The following TMEM132B variants were observed in gnomAD, a reference collection of about 807,000 sequenced individuals.
TMEM132B encodes the protein transmembrane protein 132B.
Under a neutral mutation model 90.8 loss-of-function variants are expected in TMEM132B, and 18 were observed. That is an observed-to-expected ratio of 0.20 (90% CI 0.14 to 0.29). The LOEUF (loss-of-function observed/expected upper bound fraction) is 0.29, where lower values mean the gene tolerates loss of function less well. TMEM132B is among the 10% of genes least tolerant of loss of function. The probability of loss-of-function intolerance (pLI) is 1.00; values close to 1 mark genes in which losing one functional copy is unlikely to be tolerated. For synonymous variants in TMEM132B, 504 were observed against 523.3 expected (o/e 0.96, Z 0.50); for missense variants, 1,096 against 1,326.8 (o/e 0.83, Z 2.70).
chr12:125,329,989 C>T (rs1460465736), intron 1 of TMEM132B, among the ~76,000 whole-genome samples: 1 of 152,244 alleles, frequency 6.6e-6, no homozygotes, highest in Non-Finnish European at 1.5e-5. Context: ...GAGAGGGTTT[C>T]AATGCAGTAG....
intron 4 of TMEM132B, among the ~76,000 whole-genome samples, chr12:125,533,662 G>A (rs1270196765): frequency 7.0e-5 from 9 of 128,288 alleles, no homozygotes; most frequent in Non-Finnish European, 7.3e-5. Flanking sequence ...TGTACAGGCC[G>A]CGCGCCCTCC....
chr12:125,447,671 A>G (rs954641309), intron 3 of TMEM132B, among the ~76,000 whole-genome samples: 8 of 152,104 alleles, frequency 5.3e-5, no homozygotes, highest in African/African-American at 1.7e-4. Flanking sequence ...TAGGTATTCT[A>G]TTTAGTAGTC....
chr12:125,321,106 G>T (rs774759907), intron 1 of TMEM132B, among the ~76,000 whole-genome samples: 7 of 152,206 alleles, frequency 4.6e-5, no homozygotes, highest in Non-Finnish European at 1.0e-4. Flanking sequence ...GAGAAATTAG[G>T]AACTGAGAGT....
chr12:125,409,707 GGAGT>G (rs1448221619), intron 2 of TMEM132B, among the ~76,000 whole-genome samples: 2 of 46,974 alleles, frequency 4.3e-5, no homozygotes, highest in African/African-American at 2.2e-4. Context: ...GGAGTGGAGT[GGAGT>G]GAGTGGAGTG....
chr12:125,524,488 A>C (rs1251274726), intron 4 of TMEM132B, among the ~76,000 whole-genome samples: 3 of 152,220 alleles, frequency 2.0e-5, no homozygotes, highest in Admixed American at 6.5e-5. Flanking sequence ...TACTAGCTTC[A>C]TGATATTGGG....
At chr12:125,253,566 C>T (rs1005436855) in intron 1 of TMEM132B, among the ~76,000 whole-genome samples, 1 of 151,904 alleles carries the variant, frequency 6.6e-6, no homozygotes, top group African/African-American at 2.4e-5. Context: ...TTCCTAGTAG[C>T]TGAGACTACA....
At chr12:125,194,433 G>A (rs1156671787) in intron 1 of TMEM132B, among the ~76,000 whole-genome samples, 2 of 152,108 alleles carry the variant, frequency 1.3e-5, no homozygotes, top group East Asian at 1.9e-4. Flanking sequence ...AAATACTGCC[G>A]TGGCTGCAGC....
chr12:125,305,015 G>A (rs1483616147), intron 1 of TMEM132B, among the ~76,000 whole-genome samples: 2 of 152,036 alleles, frequency 1.3e-5, no homozygotes, highest in Non-Finnish European at 2.9e-5. Flanking sequence ...TTGCTTTGCT[G>A]TTTCAGGATA....
intron 2 of TMEM132B, among the ~76,000 whole-genome samples, chr12:125,391,180 G>A (rs566070371): frequency 2.0e-5 from 3 of 152,098 alleles, no homozygotes; most frequent in Non-Finnish European, 2.9e-5. Context: ...GATGGTGAAG[G>A]AGCAGAAACT....
intron 1 of TMEM132B, among the ~76,000 whole-genome samples, chr12:125,302,376 A>T (rs1184434817): frequency 6.6e-6 from 1 of 151,914 alleles, no homozygotes; most frequent in Non-Finnish European, 1.5e-5. Context: ...AAAAAAAAAA[A>T]AGTGAGCCTG....
At chr12:125,597,224 T>C (rs1453005866) in intron 5 of TMEM132B, among the ~76,000 whole-genome samples, 1 of 152,248 alleles carries the variant, frequency 6.6e-6, no homozygotes, top group African/African-American at 2.4e-5. Flanking sequence ...GGTCTTAAAG[T>C]ATCTTCTAAT....
chr12:125,539,611 G>A (rs1409256414), intron 4 of TMEM132B, among the ~76,000 whole-genome samples: 1 of 152,208 alleles, frequency 6.6e-6, no homozygotes, highest in African/African-American at 2.4e-5. Context: ...TTGATGAATG[G>A]TTGGCTGTCA....
rs907193374 is a variant in TMEM132B at position 125,391,019 on chromosome 12, A to T, written c.960-24512A>T. Among the ~76,000 whole-genome samples, 7 of 149,104 alleles carry T rather than the reference A, an allele frequency of 4.7e-5. No homozygotes were observed. In the East Asian group the frequency reaches 1.4e-3, roughly 30 times the overall value. On this transcript the variant is annotated intron_variant, in intron 2 of 8. Coordinates refer to ENST00000682704, the MANE Select transcript of TMEM132B (RefSeq NM_001366854.1). ...GTTATTTTTTTTTCACAGCAGGATT[A>T]AAACAGATTTACTAAAGAATAGTGT...
At chr12:125,469,226 G>T (rs185452969) in intron 3 of TMEM132B, among the ~76,000 whole-genome samples, 240 of 152,172 alleles carry the variant, frequency 1.6e-3, no homozygotes, top group African/African-American at 5.6e-3. Context: ...TTCACATATG[G>T]GCTATTTTAG....
At chr12:125,624,561 C>T (rs903133139) in intron 5 of TMEM132B, among the ~76,000 whole-genome samples, 2 of 152,130 alleles carry the variant, frequency 1.3e-5, no homozygotes, top group African/African-American at 2.4e-5. Context: ...CCCCAAGGTT[C>T]GTGGACTTAT....
chr12:125,625,619 A>G (rs1886216021), intron 5 of TMEM132B, among the ~76,000 whole-genome samples: 1 of 152,236 alleles, frequency 6.6e-6, no homozygotes, highest in African/African-American at 2.4e-5. Flanking sequence ...CATCTGCTAT[A>G]AACATTCACA....
intron 1 of TMEM132B, among the ~76,000 whole-genome samples, chr12:125,237,921 C>T (rs1873972517): frequency 6.6e-6 from 1 of 152,180 alleles, no homozygotes; most frequent in Non-Finnish European, 1.5e-5. Flanking sequence ...GTCATGGCCT[C>T]CTCCGCTGGT....
intron 1 of TMEM132B, among the ~76,000 whole-genome samples, chr12:125,344,124 A>G (rs1023639352): frequency 3.7e-4 from 57 of 152,232 alleles, no homozygotes; most frequent in Admixed American, 3.3e-3. Context: ...AATGGATAGT[A>G]AACAAGGGAA....
In TMEM132B at chr12:125,655,863, C is replaced by A. The variant is rs60017141; in HGVS notation, c.*1153C>A. On this transcript the variant is annotated 3_prime_UTR_variant, in exon 9 of 9. Coordinates refer to ENST00000682704, the MANE Select transcript of TMEM132B (RefSeq NM_001366854.1). ...TATAGAAATCCATCCATACAATGACCAAAATAAATAAATAAATAAAACTCA... is the reference window on the plus strand; with the variant it reads ...TATAGAAATCCATCCATACAATGACAAAAATAAATAAATAAATAAAACTCA... The A allele has an allele frequency of 6.6e-6, 1 of 151,320 alleles. No individual in the cohort carries two copies. Among genetic ancestry groups the A allele is most frequent in the Admixed American group, 6.6e-5 (1 of 15,196 alleles). The allele number at this position is 151,320 out of a possible 1,614,324, so 9.4% of individuals were successfully genotyped here. A position where few individuals can be genotyped will look rare whatever the true frequency, so the allele number is the denominator to read the frequency against.
Sources: gnomAD v4.1 joint callset for allele counts (sites outside exome capture counted in the v4.1 genomes callset) on GRCh38, gnomAD v4.1.1 for gene constraint, MANE v1.5 for transcripts, NCBI Gene and HGNC (gene_info 2026-07-23, HGNC 2026-07-21) for gene names.